The following IL31RA variants were observed in gnomAD, a reference collection of about 807,000 sequenced individuals.
IL31RA encodes the protein interleukin 31 receptor A.
A neutral mutation model predicts 83.7 loss-of-function variants in IL31RA; 66 were observed. That is an observed-to-expected ratio of 0.79 (90% CI 0.65 to 0.97). The LOEUF (loss-of-function observed/expected upper bound fraction) is 0.97, where lower values mean the gene tolerates loss of function less well. Among genes scored for constraint, IL31RA ranks in the 50% least tolerant of loss-of-function variants. IL31RA has a pLI of 0.00. For missense variants in IL31RA, 798 were observed against 919.4 expected (o/e 0.87, Z 1.71); for synonymous variants, 325 against 329.0 (o/e 0.99, Z 0.13).
In IL31RA at chr5:55,913,498, T is replaced by A. The variant is rs1470095599; in HGVS notation, c.1664T>A (p.Ile555Lys). 1.2e-5 allele frequency: 19 copies of A among 1,613,114 alleles called. No individual in the cohort carries two copies. The highest frequency in any genetic ancestry group is 1.6e-5 in the Non-Finnish European group (19 of 1,178,996). ...AAAGGTGTCTTTGAGATTATCCTCATAACTTCTCTGATTGGTGGAGGCCTT... is the reference window on the plus strand; with the variant it reads ...AAAGGTGTCTTTGAGATTATCCTCAAAACTTCTCTGATTGGTGGAGGCCTT... The part of the protein sequence containing the change: ...LSFSVFEIIL[I>K]TSLIGGGLLI... Residue 555 changes from isoleucine to lysine, a missense_variant, in exon 13 of 15, where the codon ATA (isoleucine) becomes AAA (lysine). By Grantham distance (102) the Ile-to-Lys change is moderately radical. Coordinates refer to ENST00000652347, the MANE Select transcript of IL31RA (RefSeq NM_139017.7).
chr5:55,895,996 T>C (rs539637221), intron 6 of IL31RA, among the ~76,000 whole-genome samples: 20 of 152,218 alleles, frequency 1.3e-4, no homozygotes, highest in Non-Finnish European at 2.9e-4. Context: ...GTTATCTGTG[T>C]CATTCCCAGC....
chr5:55,854,081 G>T (rs576994508), intron 1 of IL31RA, among the ~76,000 whole-genome samples: 1 of 152,312 alleles, frequency 6.6e-6, no homozygotes, highest in Middle Eastern at 3.4e-3. Flanking sequence ...CTAGAGATGA[G>T]TAATACAAAC....
chr5:55,885,652 C>T (rs868665357), intron 5 of IL31RA, among the ~76,000 whole-genome samples: 8 of 152,180 alleles, frequency 5.3e-5, no homozygotes, highest in Admixed American at 6.5e-5. Flanking sequence ...AACACTTGGG[C>T]GGGTCAGAGA....
At chr5:55,840,753 T>A in the IL31RA span, among the ~76,000 whole-genome samples, 1 of 152,264 alleles carries the variant, frequency 6.6e-6, no homozygotes, top group Non-Finnish European at 1.5e-5. Flanking sequence ...CTCAAATGTG[T>A]ATTCCTTTGG....
the IL31RA span, among the ~76,000 whole-genome samples, chr5:55,842,497 T>C: frequency 2.5e-4 from 38 of 152,342 alleles, no homozygotes; most frequent in Admixed American, 4.6e-4. Flanking sequence ...CCAGGAATAC[T>C]TGTCACTTTA....
At chr5:55,894,700 G>A (rs1005430523) in intron 6 of IL31RA, among the ~76,000 whole-genome samples, 3 of 152,142 alleles carry the variant, frequency 2.0e-5, no homozygotes, top group Non-Finnish European at 4.4e-5. Flanking sequence ...TTTAGCTGGA[G>A]TTCAGTTATT....
chr5:55,900,362 C>T (rs1748738464), intron 8 of IL31RA, among the ~76,000 whole-genome samples: 1 of 152,214 alleles, frequency 6.6e-6, no homozygotes, highest in African/African-American at 2.4e-5. Context: ...TTATAAATTA[C>T]AGAATACAAA....
chr5:55,871,386 T>C (rs1371026028), intron 3 of IL31RA, among the ~76,000 whole-genome samples: 1 of 152,214 alleles, frequency 6.6e-6, no homozygotes, highest in African/African-American at 2.4e-5. Flanking sequence ...ACTGGTACCT[T>C]GCAAGGTGGG....
intron 6 of IL31RA, among the ~76,000 whole-genome samples, chr5:55,890,638 G>A (rs554589861): frequency 6.6e-6 from 1 of 152,264 alleles, no homozygotes; most frequent in South Asian, 2.1e-4. Flanking sequence ...CCAAAGTGTT[G>A]GGATTACAGG....
intron 1 of IL31RA, chr5:55,853,561 C>T: frequency 6.4e-7 from 1 of 1,550,990 alleles, no homozygotes; most frequent in Non-Finnish European, 8.7e-7. Context: ...TCCCCTGATA[C>T]ATGAAGGTGA....
chr5:55,871,774 C>G (rs1461195372), intron 3 of IL31RA, among the ~76,000 whole-genome samples: 2 of 151,676 alleles, frequency 1.3e-5, no homozygotes, highest in East Asian at 1.9e-4. Flanking sequence ...CTTTTTTTCA[C>G]CAGCAGTAGA....
At chr5:55,853,410 G>C in intron 1 of IL31RA, 1 of 1,423,864 alleles carries the variant, frequency 7.0e-7, no homozygotes, top group South Asian at 1.8e-5. Context: ...AAAGCTCGCA[G>C]ACAATCAGAG....
chr5:55,922,499 T>A lies in IL31RA; in HGVS notation c.*5379T>A, dbSNP rs749282919. 2.9e-5 allele frequency: 39 copies of A among 1,348,738 alleles called. No homozygotes were observed. The highest frequency in any genetic ancestry group is 4.0e-5 in the Non-Finnish European group (39 of 968,518). The allele number at this position is 1,348,738 out of a possible 1,614,324, so 83.5% of individuals were successfully genotyped here. On this transcript the variant is annotated 3_prime_UTR_variant, in exon 15 of 15. Transcript: ENST00000652347. ...AAATTAGAAAGGACATGCAGAGTTT[T>A]CCAACTAGGAAGACTGAATCTGTGG...
rs898689502 is a variant in IL31RA at position 55,920,213 on chromosome 5, G to A, written c.*3093G>A. On this transcript the variant is annotated 3_prime_UTR_variant, in exon 15 of 15. Coordinates refer to ENST00000652347, the MANE Select transcript of IL31RA (RefSeq NM_139017.7). ...AGAGGCCCACAGTATGGATGCCTCC[G>A]GCTGCTCTGCTGATGCTCTGTGTGC... Among the ~76,000 whole-genome samples, 4 of 152,180 alleles carry A rather than the reference G, an allele frequency of 2.6e-5. No homozygotes were observed. The East Asian group carries it at 7.7e-4, about 29-fold the overall frequency.
At chr5:55,901,886 A>G (rs1348515101) in intron 8 of IL31RA, among the ~76,000 whole-genome samples, 4 of 152,156 alleles carry the variant, frequency 2.6e-5, no homozygotes, top group African/African-American at 9.7e-5. Flanking sequence ...AAGTGCTGGG[A>G]TTACAGGCGT....
intron 1 of IL31RA, among the ~76,000 whole-genome samples, chr5:55,854,820 ATC>A (rs1745261221): frequency 6.6e-6 from 1 of 151,906 alleles, no homozygotes; most frequent in Non-Finnish European, 1.5e-5. Context: ...ATATAAAAAT[ATC>A]TGTCTCATTT....
chr5:55,916,623 A>T (rs755378289), intron 14 of IL31RA, 21 bp from the exon 15 acceptor site: 2 of 1,605,782 alleles, frequency 1.2e-6, no homozygotes, highest in African/African-American at 1.3e-5. Flanking sequence ...ACCACTTGGG[A>T]TGTCCCTTTT....
Position 55,903,843 on chromosome 5 carries a change from G to A in IL31RA, c.1070-2263G>A, listed in dbSNP as rs1748971049. ...AAAACGAAGCACTGCAGACTGGGGG[G>A]CTTCAAACAACAGAACTTTATTGTC... On this transcript the variant is annotated intron_variant, in intron 8 of 14. Transcript: ENST00000652347. This position sits in a 1 kb window ranked among gnomAD's most constrained non-coding sequence, Gnocchi z 4.7. Among the ~76,000 whole-genome samples, 1 of 152,226 alleles carries A rather than the reference G, an allele frequency of 6.6e-6. No individual in the cohort carries two copies. The highest frequency in any genetic ancestry group is 6.5e-5 in the Admixed American group (1 of 15,292).
chr5:55,842,845 C>T, the IL31RA span, among the ~76,000 whole-genome samples: 2 of 152,152 alleles, frequency 1.3e-5, no homozygotes, highest in Admixed American at 1.3e-4. Context: ...TCTTCCCTTC[C>T]AGCCTTAGTG....
Sources: allele counts gnomAD v4.1 joint callset (sites outside exome capture counted in the v4.1 genomes callset), GRCh38; gene constraint gnomAD v4.1.1; non-coding constraint Gnocchi (gnomAD v3.1); transcripts MANE v1.5; gene names NCBI Gene and HGNC (gene_info 2026-07-23, HGNC 2026-07-21).